NRXN3: variants seen among roughly 807,000 people sequenced by gnomAD.
NRXN3 encodes the protein neurexin III.
A neutral mutation model predicts 137.6 loss-of-function variants in NRXN3; 32 were observed. The observed-to-expected ratio is 0.23, with a 90% confidence interval of 0.18 to 0.31. NRXN3 has a LOEUF of 0.31. NRXN3 is among the 10% of genes least tolerant of loss of function. The pLI, the probability that NRXN3 is intolerant of heterozygous loss-of-function variation, is 1.00. For missense variants in NRXN3, 1,574 were observed against 2,062.5 expected, an observed-to-expected ratio of 0.76 and a Z score of 4.59; for synonymous variants, 798 against 784.5, an observed-to-expected ratio of 1.02 and a Z score of -0.29.
In NRXN3 at chr14:78,243,113, C is replaced by T. The variant is rs763262335; in HGVS notation, c.20C>T (p.Ser7Leu). 41 of 1,534,162 alleles carry T rather than the reference C, an allele frequency of 2.7e-5. No homozygotes were observed. Among genetic ancestry groups the T allele is most frequent in the East Asian group, 7.3e-5 (3 of 41,306 alleles). ...GCGACAATGAGCTCCACACTCCACT[C>T]GGTTTTCTTCACCCTGAAGGTCAGC... Reference protein sequence around the residue: MSSTLHSVFFTLKVSIL... With the variant: MSSTLHLVFFTLKVSIL... Residue 7 changes from serine (S) to leucine (L), a missense_variant, in exon 2 of 21, where the codon TCG becomes TTG. Coordinates refer to ENST00000335750, the MANE Select transcript of NRXN3 (RefSeq NM_001330195.2). The surrounding 1 kb of genome is among the most constrained non-coding windows in gnomAD (Gnocchi z 4.2).
intron 16 of NRXN3, among the ~76,000 whole-genome samples, chr14:79,515,633 C>T (rs1321689199): frequency 7.1e-6 from 1 of 141,544 alleles, no homozygotes. Context: ...TCCTGTCTTC[C>T]TCTTCCTCTC....
chr14:79,241,150 G>A (rs1466430664), intron 15 of NRXN3, among the ~76,000 whole-genome samples: 2 of 152,228 alleles, frequency 1.3e-5, no homozygotes, highest in African/African-American at 4.8e-5. Flanking sequence ...GTGTCACATG[G>A]TCAGGTTTAG....
chr14:78,502,219 G>C (rs769821027), intron 4 of NRXN3, among the ~76,000 whole-genome samples: 1 of 152,118 alleles, frequency 6.6e-6, no homozygotes, highest in Admixed American at 6.6e-5. Flanking sequence ...GTATTTCCCA[G>C]CTCCTTCTCC....
intron 4 of NRXN3, among the ~76,000 whole-genome samples, chr14:78,442,474 G>A (rs1207441039): frequency 2.0e-5 from 3 of 152,188 alleles, no homozygotes; most frequent in African/African-American, 7.2e-5. Flanking sequence ...CCAACACCTA[G>A]ATTTCAGACT....
At chr14:79,169,789 C>G (rs528763249) in intron 15 of NRXN3, among the ~76,000 whole-genome samples, 1 of 152,132 alleles carries the variant, frequency 6.6e-6, no homozygotes, top group East Asian at 1.9e-4. Context: ...TGAAGTCCCA[C>G]AAGGAATTCT....
chr14:79,133,941 AAAAAAAAAAAGG>A (rs1193676198), intron 15 of NRXN3, among the ~76,000 whole-genome samples: 2 of 108,496 alleles, frequency 1.8e-5, no homozygotes, highest in Non-Finnish European at 3.9e-5. Context: ...AAAAAAGAAA[AAAAAAAAAAAGG>A]AAAGAAAAAA....
At chr14:78,711,496 C>G (rs1451998003) in intron 7 of NRXN3, among the ~76,000 whole-genome samples, 1 of 131,938 alleles carries the variant, frequency 7.6e-6, no homozygotes, top group Admixed American at 8.7e-5. Context: ...GGCTGGAGTG[C>G]AATGGCGCAG....
At chr14:79,048,705 G>A (rs1382627037) in intron 15 of NRXN3, among the ~76,000 whole-genome samples, 1 of 151,600 alleles carries the variant, frequency 6.6e-6, no homozygotes, top group East Asian at 1.9e-4. Flanking sequence ...GGTGGTGGCT[G>A]CTGAAGGTTG....
At chr14:79,778,137 C>A (rs2099102997) in intron 19 of NRXN3, among the ~76,000 whole-genome samples, 1 of 152,210 alleles carries the variant, frequency 6.6e-6, no homozygotes. Flanking sequence ...GTAGCATAGG[C>A]TGGGCGTGGT....
At chr14:79,234,293 AATATATATATATATATATATAT>A (rs71131687) in intron 15 of NRXN3, among the ~76,000 whole-genome samples, 647 of 56,186 alleles carry the variant, frequency 0.012, 32 homozygotes, top group East Asian at 0.027. Context: ...TTCAATGGTA[AATATATATATATATATATATAT>A]ATATATATAT....
chr14:78,453,772 C>A (rs1027191332), intron 4 of NRXN3, among the ~76,000 whole-genome samples: 4 of 152,098 alleles, frequency 2.6e-5, no homozygotes, highest in Non-Finnish European at 5.9e-5. Context: ...GAAACAGACA[C>A]ATATACACAG....
chr14:78,783,427 A>G (rs1016157089), intron 8 of NRXN3, among the ~76,000 whole-genome samples: 1 of 152,214 alleles, frequency 6.6e-6, no homozygotes, highest in Non-Finnish European at 1.5e-5. Context: ...GAGCATGGCA[A>G]AATAATAGCT....
intron 15 of NRXN3, among the ~76,000 whole-genome samples, chr14:79,263,602 G>A (rs944326908): frequency 3.3e-5 from 5 of 152,136 alleles, no homozygotes; most frequent in African/African-American, 1.2e-4. Context: ...TCTGTAAAAT[G>A]AGGGAGGTAA....
At chr14:79,679,238 C>G (rs879307218) in intron 17 of NRXN3, among the ~76,000 whole-genome samples, 5 of 152,056 alleles carry the variant, frequency 3.3e-5, no homozygotes, top group Non-Finnish European at 7.4e-5. Context: ...TAAAATCTCT[C>G]TATACACACA....
intron 16 of NRXN3, among the ~76,000 whole-genome samples, chr14:79,525,265 A>G (rs1319911887): frequency 6.6e-6 from 1 of 152,140 alleles, no homozygotes; most frequent in African/African-American, 2.4e-5. Context: ...GAGGGTTTCC[A>G]GGTATATTTT....
At chr14:79,532,006 A>G (rs2097173724) in intron 16 of NRXN3, among the ~76,000 whole-genome samples, 1 of 152,158 alleles carries the variant, frequency 6.6e-6, no homozygotes, top group Non-Finnish European at 1.5e-5. Flanking sequence ...GGAAATTCTG[A>G]GCAATGTTCC....
chr14:79,768,062 G>T (rs879905812), intron 19 of NRXN3, among the ~76,000 whole-genome samples: 5 of 152,168 alleles, frequency 3.3e-5, no homozygotes, highest in African/African-American at 7.2e-5. Context: ...GTGCTTTTCC[G>T]ACGGGCTTAA....
chr14:79,461,058 C>T (rs1044435720), intron 15 of NRXN3, among the ~76,000 whole-genome samples: 10 of 152,158 alleles, frequency 6.6e-5, no homozygotes, highest in African/African-American at 2.2e-4. Context: ...ATCATTTACC[C>T]TGTACTCCCT....
chr14:79,845,528 G>A (rs531768669), intron 20 of NRXN3, among the ~76,000 whole-genome samples: 1 of 152,122 alleles, frequency 6.6e-6, no homozygotes, highest in African/African-American at 2.4e-5. Flanking sequence ...GGGAGATGGG[G>A]GTGGGGGGCT....
Sources: allele counts gnomAD v4.1 joint callset (sites outside exome capture counted in the v4.1 genomes callset), GRCh38; gene constraint gnomAD v4.1.1; non-coding constraint Gnocchi (gnomAD v3.1); transcripts MANE v1.5; gene names NCBI Gene and HGNC (gene_info 2026-07-23, HGNC 2026-07-21).